Variants in ERBB4 observed in about 807,000 individuals in gnomAD.
ERBB4 encodes the protein receptor tyrosine-protein kinase erbB-4.
A neutral mutation model predicts 158.0 loss-of-function variants in ERBB4; 42 were observed. The observed-to-expected ratio is 0.27, with a 90% confidence interval of 0.21 to 0.34. The LOEUF is 0.34. Ranked by LOEUF, ERBB4 falls within the 10% of genes least tolerant of loss-of-function variation. The pLI is 1.00. For synonymous variants in ERBB4, 583 were observed against 558.7 expected (o/e 1.04, Z -0.61); for missense variants, 1,333 against 1,624.1 (o/e 0.82, Z 3.08).
chr2:211,808,089 T>C (rs913988435), intron 3 of ERBB4, among the ~76,000 whole-genome samples: 1 of 152,262 alleles, frequency 6.6e-6, no homozygotes, highest in African/African-American at 2.4e-5. Context: ...CTGTTCACTC[T>C]GATGGTAGTT....
intron 19 of ERBB4, among the ~76,000 whole-genome samples, chr2:211,595,118 A>G (rs901580573): frequency 2.8e-4 from 42 of 152,094 alleles, no homozygotes; most frequent in African/African-American, 1.0e-3. Context: ...AGATTCAAAT[A>G]AAATAGTCAT....
intron 19 of ERBB4, among the ~76,000 whole-genome samples, chr2:211,578,039 C>T (rs2067946661): frequency 6.6e-6 from 1 of 151,734 alleles, no homozygotes; most frequent in African/African-American, 2.4e-5. Context: ...AATATGATCC[C>T]ACATCAAGAA....
At chr2:212,003,207 C>A (rs71350757) in intron 2 of ERBB4, among the ~76,000 whole-genome samples, 17,031 of 38,374 alleles carry the variant, frequency 0.44, 3,812 homozygotes, top group East Asian at 0.65. Context: ...GAAAGAAAGA[C>A]AGAAAGAAGG....
At chr2:212,136,650 G>C (rs1406823234) in intron 1 of ERBB4, among the ~76,000 whole-genome samples, 1 of 152,168 alleles carries the variant, frequency 6.6e-6, no homozygotes, top group Non-Finnish European at 1.5e-5. Context: ...GCTTGCAGTG[G>C]TGAGCTTGCA....
At chr2:211,763,175 A>C (rs2075457977) in intron 4 of ERBB4, among the ~76,000 whole-genome samples, 1 of 152,306 alleles carries the variant, frequency 6.6e-6, no homozygotes, top group Admixed American at 6.5e-5. Context: ...CCATATTTGT[A>C]CATTTTATCC....
At chr2:212,460,276 T>C (rs1181722766) in intron 1 of ERBB4, among the ~76,000 whole-genome samples, 1 of 152,168 alleles carries the variant, frequency 6.6e-6, no homozygotes, top group Admixed American at 6.6e-5. Flanking sequence ...AGCAAATTGG[T>C]ACCAGTAGAG....
intron 12 of ERBB4, among the ~76,000 whole-genome samples, chr2:211,681,723 G>T (rs986000912): frequency 5.3e-5 from 8 of 152,056 alleles, no homozygotes; most frequent in African/African-American, 1.9e-4. Context: ...TCTTATTAAT[G>T]AGTATTGAGA....
At chr2:212,030,846 G>C (rs1427652801) in intron 2 of ERBB4, among the ~76,000 whole-genome samples, 1 of 152,048 alleles carries the variant, frequency 6.6e-6, no homozygotes, top group Admixed American at 6.6e-5. Flanking sequence ...ATCAGTCGTG[G>C]GTAGTTTGAA....
chr2:211,861,286 G>A (rs1348168607), intron 3 of ERBB4, among the ~76,000 whole-genome samples: 4 of 138,916 alleles, frequency 2.9e-5, no homozygotes, highest in African/African-American at 1.1e-4. Flanking sequence ...TCAGCCTGAT[G>A]AGTTGCTGGG....
rs565169268 is a variant in ERBB4, at chr2:211,853,906, G to T, written c.422-65747C>A. ...GAGTCATCACCAGATGCCACTGTGA[G>T]ATTGGTTATGTGTGTTCAGAAAAGG... On this transcript the variant is annotated intron_variant, in intron 3 of 27. Coordinates refer to ENST00000342788, the MANE Select transcript of ERBB4 (RefSeq NM_005235.3). 1.2e-4 allele frequency among the ~76,000 whole-genome samples: 18 copies of T among 152,164 alleles called. No homozygotes were observed. In the South Asian group the frequency reaches 3.5e-3, roughly 30 times the overall value.
intron 18 of ERBB4, among the ~76,000 whole-genome samples, chr2:211,623,157 C>T (rs957308599): frequency 5.4e-5 from 8 of 149,530 alleles, no homozygotes; most frequent in African/African-American, 1.5e-4. Context: ...TAAATTTCAC[C>T]ACAATTAATC....
At chr2:212,033,004 A>C (rs16847554) in intron 2 of ERBB4, among the ~76,000 whole-genome samples, 2 of 151,956 alleles carry the variant, frequency 1.3e-5, no homozygotes, top group African/African-American at 4.8e-5. Context: ...TTTCACTTCT[A>C]TGTGAGAGTT....
intron 18 of ERBB4, among the ~76,000 whole-genome samples, chr2:211,621,437 T>G (rs1346820860): frequency 6.6e-6 from 1 of 152,192 alleles, no homozygotes; most frequent in Middle Eastern, 3.2e-3. Flanking sequence ...ACAACTGATC[T>G]ATTGATTAAA....
At chr2:212,232,334 G>C (rs1428206029) in intron 1 of ERBB4, among the ~76,000 whole-genome samples, 1 of 152,072 alleles carries the variant, frequency 6.6e-6, no homozygotes, top group Non-Finnish European at 1.5e-5. Flanking sequence ...TTAAATAAAG[G>C]CTTTGAAGGA....
At chr2:211,801,415 T>TA (rs1233347862) in intron 3 of ERBB4, among the ~76,000 whole-genome samples, 1 of 152,106 alleles carries the variant, frequency 6.6e-6, no homozygotes, top group Non-Finnish European at 1.5e-5. Context: ...TTGATATAGT[T>TA]AAAAATATTC....
intron 2 of ERBB4, among the ~76,000 whole-genome samples, chr2:211,985,846 A>G (rs900910701): frequency 2.0e-5 from 3 of 152,272 alleles, no homozygotes; most frequent in African/African-American, 7.2e-5. Context: ...AAGTCATCAC[A>G]TTTTAAAATG....
intron 3 of ERBB4, among the ~76,000 whole-genome samples, chr2:211,923,274 A>C (rs757516112): frequency 6.6e-6 from 1 of 152,192 alleles, no homozygotes; most frequent in African/African-American, 2.4e-5. Flanking sequence ...ATCTCGCAAC[A>C]AAGGATAAAT....
intron 1 of ERBB4, among the ~76,000 whole-genome samples, chr2:212,498,062 A>AT (rs1690676392): frequency 6.7e-6 from 1 of 148,904 alleles, no homozygotes; most frequent in Middle Eastern, 3.4e-3. Flanking sequence ...CATTATTTAC[A>AT]TTTTCATCCT....
At chr2:211,672,235 G>C (rs997621041) in intron 14 of ERBB4, among the ~76,000 whole-genome samples, 1 of 152,266 alleles carries the variant, frequency 6.6e-6, no homozygotes, top group East Asian at 1.9e-4. Context: ...AAATTGTACA[G>C]AGCAATGTGA....
Sources: allele counts gnomAD v4.1 joint callset (sites outside exome capture counted in the v4.1 genomes callset), GRCh38; gene constraint gnomAD v4.1.1; transcripts MANE v1.5; gene names NCBI Gene and HGNC (gene_info 2026-07-23, HGNC 2026-07-21).